The following KCNH8 variants were observed in gnomAD, a reference collection of about 807,000 sequenced individuals.
KCNH8 encodes the protein voltage-gated delayed rectifier potassium channel KCNH8.
A neutral mutation model predicts 103.6 loss-of-function variants in KCNH8; 70 were observed. The ratio of observed to expected loss-of-function variants is 0.68; its 90% CI spans 0.56 to 0.82. The LOEUF is 0.82. Ranked by LOEUF, KCNH8 falls within the 40% of genes least tolerant of loss-of-function variation. The pLI is 0.00. For missense variants in KCNH8, 1,217 were observed against 1,329.9 expected (o/e 0.92, Z 1.32); for synonymous variants, 498 against 489.4 (o/e 1.02, Z -0.23).
intron 11 of KCNH8, among the ~76,000 whole-genome samples, chr3:19,463,695 G>T (rs2067679966): frequency 1.3e-5 from 2 of 152,032 alleles, no homozygotes. Flanking sequence ...TCACTACTTA[G>T]TCCATTTAAA....
At chr3:19,468,248 G>A (rs1361152530) in intron 11 of KCNH8, among the ~76,000 whole-genome samples, 2 of 152,152 alleles carry the variant, frequency 1.3e-5, no homozygotes, top group Non-Finnish European at 1.5e-5. Context: ...AGAGCCTAAT[G>A]CAGAGTCAAC....
intron 1 of KCNH8, among the ~76,000 whole-genome samples, chr3:19,231,217 A>G (rs910646730): frequency 1.3e-5 from 2 of 152,124 alleles, no homozygotes; most frequent in Non-Finnish European, 2.9e-5. Flanking sequence ...ATACACCTCT[A>G]TACTTCTATG....
intron 2 of KCNH8, among the ~76,000 whole-genome samples, chr3:19,280,872 A>G (rs998663957): frequency 1.3e-5 from 2 of 152,096 alleles, no homozygotes; most frequent in Admixed American, 1.3e-4. Context: ...GGAAGGGGCA[A>G]TCTCTCATAA....
chr3:19,420,477 T>C (rs796434715), intron 7 of KCNH8, among the ~76,000 whole-genome samples: 19 of 152,308 alleles, frequency 1.2e-4, no homozygotes, highest in Admixed American at 5.9e-4. Flanking sequence ...TCTAATTTTA[T>C]CATCTGCCCA....
chr3:19,347,101 A>T (rs561356877), intron 4 of KCNH8, among the ~76,000 whole-genome samples: 2 of 152,102 alleles, frequency 1.3e-5, no homozygotes, highest in African/African-American at 4.8e-5. Context: ...TGTCTGGCCC[A>T]TGTCAGAGTG....
chr3:19,349,703 C>A (rs1049620878), intron 5 of KCNH8, among the ~76,000 whole-genome samples: 2 of 152,070 alleles, frequency 1.3e-5, no homozygotes, highest in Non-Finnish European at 1.5e-5. Context: ...CATAAAAACT[C>A]ATACCTTTGA....
At chr3:19,470,028 A>T (rs1406064647) in intron 11 of KCNH8, among the ~76,000 whole-genome samples, 1 of 152,138 alleles carries the variant, frequency 6.6e-6, no homozygotes, top group East Asian at 1.9e-4. Context: ...AAATCAAAGG[A>T]AAGTAGTTAC....
intron 11 of KCNH8, among the ~76,000 whole-genome samples, chr3:19,485,737 C>T (rs530364768): frequency 1.8e-4 from 27 of 152,224 alleles, no homozygotes; most frequent in Admixed American, 7.2e-4. Flanking sequence ...TGCTGCTTTT[C>T]GAGCTTCTGA....
At chr3:19,322,665 G>A (rs2065365612) in intron 3 of KCNH8, among the ~76,000 whole-genome samples, 1 of 152,148 alleles carries the variant, frequency 6.6e-6, no homozygotes, top group Non-Finnish European at 1.5e-5. Context: ...TGATGACTAT[G>A]TGCCCAGGCA....
rs779295666 is a variant in KCNH8 at position 19,148,682 on chromosome 3, A to G, written c.-38A>G. 1.2e-6 allele frequency: 2 copies of G among 1,601,302 alleles called. No individual in the cohort carries two copies. The highest frequency in any genetic ancestry group is 2.7e-5 in the African/African-American group (2 of 74,794). ...CTTTCCTTTCGAACCATCCTTCTGGACAAACTTTGATGGAGAATTTCACAC... is the reference window on the plus strand; with the variant it reads ...CTTTCCTTTCGAACCATCCTTCTGGGCAAACTTTGATGGAGAATTTCACAC... On this transcript the variant is annotated 5_prime_UTR_variant, in exon 1 of 16. Transcript: ENST00000328405.
chr3:19,513,071 C>G lies in KCNH8; in HGVS notation c.2181C>G (p.Leu727=), dbSNP rs754902199. The G allele has an allele frequency of 3.1e-6, 5 of 1,613,724 alleles. No homozygotes were observed. The highest frequency in any genetic ancestry group is 4.2e-6 in the Non-Finnish European group (5 of 1,179,866). ...GGGAGGAAGAGGAGGCAGTCTCCCT[C>G]TCTCCCATCTGCACAAGGGGATCTT... ...EEGEEEEAVS[L]SPICTRGSSS... The change falls in exon 13 of 16, where the codon CTC becomes CTG. Residue 727 remains leucine (L), a synonymous_variant. Transcript: ENST00000328405.
At chr3:19,202,549 C>T (rs2063673767) in intron 1 of KCNH8, among the ~76,000 whole-genome samples, 1 of 152,030 alleles carries the variant, frequency 6.6e-6, no homozygotes. Context: ...AACTCCTGCG[C>T]CAGATGCACA....
At chr3:19,378,843 T>A (rs2066248428) in intron 5 of KCNH8, among the ~76,000 whole-genome samples, 1 of 152,208 alleles carries the variant, frequency 6.6e-6, no homozygotes, top group Non-Finnish European at 1.5e-5. Flanking sequence ...ACGTAAAAAA[T>A]TCTCCTTGCA....
At chr3:19,367,138 C>T (rs2066022903) in intron 5 of KCNH8, among the ~76,000 whole-genome samples, 1 of 151,952 alleles carries the variant, frequency 6.6e-6, no homozygotes, top group Admixed American at 6.6e-5. Context: ...CTTTTCACCT[C>T]GTTTCATGAT....
chr3:19,387,239 A>G (rs545586501), intron 5 of KCNH8, among the ~76,000 whole-genome samples: 18 of 152,154 alleles, frequency 1.2e-4, no homozygotes, highest in Non-Finnish European at 1.8e-4. Context: ...GCTGAATTTG[A>G]TCGAAGGACT....
intron 11 of KCNH8, among the ~76,000 whole-genome samples, chr3:19,499,221 G>A (rs185632628): frequency 0.015 from 2,301 of 152,222 alleles, 47 homozygotes; most frequent in African/African-American, 0.05. Context: ...GAAATGAAGC[G>A]AGAAGGGAAG....
At chr3:19,245,749 A>C (rs1436924821) in intron 1 of KCNH8, among the ~76,000 whole-genome samples, 1 of 152,130 alleles carries the variant, frequency 6.6e-6, no homozygotes, top group African/African-American at 2.4e-5. Context: ...CAGCCTGGAC[A>C]TTGGTGTATA....
chr3:19,265,603 C>T (rs944608409), intron 2 of KCNH8, among the ~76,000 whole-genome samples: 1 of 151,950 alleles, frequency 6.6e-6, no homozygotes, highest in African/African-American at 2.4e-5. Flanking sequence ...TAACTTTGAA[C>T]CCTGGCCTGT....
chr3:19,169,119 G>T (rs2063313037), intron 1 of KCNH8, among the ~76,000 whole-genome samples: 1 of 152,102 alleles, frequency 6.6e-6, no homozygotes. Flanking sequence ...TCAATTGCCT[G>T]CTCAAACTCA....
Sources: allele counts gnomAD v4.1 joint callset (sites outside exome capture counted in the v4.1 genomes callset), GRCh38; gene constraint gnomAD v4.1.1; transcripts MANE v1.5; gene names NCBI Gene and HGNC (gene_info 2026-07-23, HGNC 2026-07-21).